Variants in KIAA1671 observed in about 807,000 individuals in gnomAD.
KIAA1671 encodes the protein KIAA1671.
A neutral mutation model predicts 131.2 loss-of-function variants in KIAA1671; 52 were observed. The observed-to-expected ratio is 0.40, with a 90% CI of 0.32 to 0.50. The LOEUF (loss-of-function observed/expected upper bound fraction) is 0.50, where lower values mean the gene tolerates loss of function less well. Among genes scored for constraint, KIAA1671 ranks in the 20% least tolerant of loss-of-function variants. The pLI is 0.73. For missense variants in KIAA1671, 2,360 were observed against 2,364.2 expected (o/e 1.00, Z 0.04); for synonymous variants, 1,003 against 961.6 (o/e 1.04, Z -0.80).
At position 25,040,460 on chromosome 22, in the gene KIAA1671, A is replaced by C; in HGVS notation, c.3330A>C (p.Ser1110=). The change falls in exon 5 of 13, where the codon TCA becomes TCC. Residue 1110 remains serine (S), a synonymous_variant. Transcript: ENST00000358431. ...CTCTGAAGCCAACAGACCGTCCATC[A>C]TCTCTTGGGGCCTGGAGTCTGGACC... ...LKTLKPTDRP[S]SLGAWSLDPF... The C allele has an allele frequency of 6.4e-7, 1 of 1,552,064 alleles. No homozygotes were observed. The highest frequency in any genetic ancestry group is 8.7e-7 in the Non-Finnish European group (1 of 1,147,068).
rs57822676 is a variant in KIAA1671 at position 25,156,012 on chromosome 22, C to CTTT, written c.4531-14783_4531-14781dup. Among the ~76,000 whole-genome samples the CTTT allele has an allele frequency of 9.6e-4, 34 of 35,344 alleles. 9 individuals are homozygous for CTTT. The highest frequency in any genetic ancestry group is 2.9e-3 in the East Asian group (3 of 1,040). The allele number at this position is 35,344 out of a possible 152,430, so 23.2% of individuals were successfully genotyped here. ...TTTTGTGCATGTATGTGTGTATGTGCTTTTTTTTTTTTTTTTTTTTTTTTT... is the reference window on the plus strand; with the variant it reads ...TTTTGTGCATGTATGTGTGTATGTGCTTTTTTTTTTTTTTTTTTTTTTTTTTTT... On this transcript the variant is annotated intron_variant, in intron 6 of 12. Coordinates refer to ENST00000358431, the MANE Select transcript of KIAA1671 (RefSeq NM_001145206.2).
In KIAA1671 at chr22:25,029,515, C is replaced by G. The variant is rs1198611208; in HGVS notation, c.1516C>G (p.Pro506Ala). The change falls in exon 3 of 13, where the codon CCG (proline) becomes GCG (alanine). Residue 506 changes from proline (P) to alanine (A), a missense_variant. By Grantham distance (27) the Pro-to-Ala change is conservative. Coordinates refer to ENST00000358431, the MANE Select transcript of KIAA1671 (RefSeq NM_001145206.2). ...CAGGAGGAGGACGTTCCAGGCTCGG[C>G]CGCTGTCGGCGGATTTGACCAAATT... ...EVRRRTFQAR[P>A]LSADLTKLFS... 7 of 1,546,082 alleles carry G rather than the reference C, an allele frequency of 4.5e-6. No homozygotes were observed. The African/African-American group carries it at 9.6e-5, about 21-fold the overall frequency.
intron 6 of KIAA1671, among the ~76,000 whole-genome samples, chr22:25,124,604 A>G (rs969239813): frequency 6.6e-6 from 1 of 152,226 alleles, no homozygotes; most frequent in African/African-American, 2.4e-5. Flanking sequence ...CAAGCCTCAG[A>G]TGCCTTGTGA....
intron 1 of KIAA1671, among the ~76,000 whole-genome samples, chr22:24,974,685 CTTTTT>C (rs34171375): frequency 1.2e-5 from 1 of 81,258 alleles, no homozygotes; most frequent in African/African-American, 5.4e-5. Flanking sequence ...CAGCTCACCT[CTTTTT>C]TTTTTTTTTT....
chr22:24,989,967 T>C (rs1281173620), intron 1 of KIAA1671, among the ~76,000 whole-genome samples: 1 of 152,196 alleles, frequency 6.6e-6, no homozygotes, highest in South Asian at 2.1e-4. Flanking sequence ...TAGCTCTTTG[T>C]TAAACATTAA....
intron 6 of KIAA1671, chr22:25,049,670 G>C (rs1171271931): frequency 6.8e-6 from 2 of 293,522 alleles, no homozygotes; most frequent in African/African-American, 4.3e-5. Flanking sequence ...ATCCCAGCAC[G>C]GTCTCCTGTC....
chr22:24,975,279 G>A (rs1307456418), intron 1 of KIAA1671, among the ~76,000 whole-genome samples: 1 of 150,360 alleles, frequency 6.7e-6, no homozygotes, highest in Non-Finnish European at 1.5e-5. Flanking sequence ...TGTTTTTGAG[G>A]TCATTCATGT....
At chr22:25,001,509 G>A (rs910467383) in intron 1 of KIAA1671, among the ~76,000 whole-genome samples, 3 of 152,156 alleles carry the variant, frequency 2.0e-5, no homozygotes, top group African/African-American at 4.8e-5. Context: ...ACCAGGCCAA[G>A]GGGGAGGCTG....
In KIAA1671 at chr22:25,028,449, C is replaced by A; in HGVS notation, c.450C>A (p.Thr150=). ...GCACCATGATTCTCTTCGAAACCAC[C>A]AAAAGCGGCCCCGCTCTGGGGAAGG... The part of the protein sequence containing the change: ...SSSTMILFET[T]KSGPALGKAV... The change falls in exon 3 of 13, where the codon ACC becomes ACA. Residue 150 remains threonine, a synonymous_variant. Transcript: ENST00000358431. 6.4e-7 allele frequency: 1 copy of A among 1,550,706 alleles called. No homozygotes were observed. The highest frequency in any genetic ancestry group is 1.4e-5 in the African/African-American group (1 of 73,174).
chr22:25,116,141 C>A (rs71321022), intron 6 of KIAA1671, among the ~76,000 whole-genome samples: 52 of 152,184 alleles, frequency 3.4e-4, no homozygotes, highest in Non-Finnish European at 5.3e-4. Context: ...TGGAGTGGCA[C>A]GATCATAGCT....
At chr22:25,108,867 C>G (rs1931173716) in intron 6 of KIAA1671, among the ~76,000 whole-genome samples, 1 of 152,102 alleles carries the variant, frequency 6.6e-6, no homozygotes, top group South Asian at 2.1e-4. Flanking sequence ...CTGGCCAGGT[C>G]TACGGTCAGC....
intron 6 of KIAA1671, among the ~76,000 whole-genome samples, chr22:25,073,858 T>C (rs6519552): frequency 0.16 from 25,039 of 152,182 alleles, 2,200 homozygotes; most frequent in Non-Finnish European, 0.2. Flanking sequence ...CATGCCTGGC[T>C]AATTTTTGTA....
chr22:24,971,002 G>C (rs1302965828), intron 1 of KIAA1671, among the ~76,000 whole-genome samples: 1 of 152,122 alleles, frequency 6.6e-6, no homozygotes, highest in Middle Eastern at 3.2e-3. Flanking sequence ...TTGTTGCCCA[G>C]GCTGGAGTGC....
intron 6 of KIAA1671, among the ~76,000 whole-genome samples, chr22:25,072,197 C>T (rs1192722298): frequency 1.3e-5 from 2 of 152,124 alleles, no homozygotes; most frequent in Non-Finnish European, 2.9e-5. Flanking sequence ...TCATCCTGGC[C>T]AGTAGAGGCT....
chr22:24,959,930 G>T (rs748437249), intron 1 of KIAA1671, among the ~76,000 whole-genome samples: 3 of 151,828 alleles, frequency 2.0e-5, no homozygotes, highest in Non-Finnish European at 4.4e-5. Flanking sequence ...TTGAGGTCAG[G>T]AGTTCGAAAC....
chr22:25,077,011 A>G (rs1220600908), intron 6 of KIAA1671, among the ~76,000 whole-genome samples: 1 of 152,128 alleles, frequency 6.6e-6, no homozygotes, highest in Non-Finnish European at 1.5e-5. Flanking sequence ...CTCTCCCTCT[A>G]TTATTTTTAC....
chr22:24,978,696 G>A (rs1021358212), intron 1 of KIAA1671, among the ~76,000 whole-genome samples: 1 of 151,688 alleles, frequency 6.6e-6, no homozygotes, highest in Non-Finnish European at 1.5e-5. Flanking sequence ...GTTTTGTTTT[G>A]TTTTGTTTTG....
chr22:25,142,214 C>G (rs1932816769), intron 6 of KIAA1671, among the ~76,000 whole-genome samples: 1 of 152,192 alleles, frequency 6.6e-6, no homozygotes, highest in African/African-American at 2.4e-5. Context: ...CTCTGGTTGC[C>G]TAGCAACAGG....
At chr22:25,094,563 T>A (rs1340856529) in intron 6 of KIAA1671, among the ~76,000 whole-genome samples, 1 of 152,108 alleles carries the variant, frequency 6.6e-6, no homozygotes, top group Non-Finnish European at 1.5e-5. Flanking sequence ...TTCATTTTAG[T>A]GAAGGCTGAT....
Sources: gnomAD v4.1 joint callset for allele counts (sites outside exome capture counted in the v4.1 genomes callset) on GRCh38, gnomAD v4.1.1 for gene constraint, MANE v1.5 for transcripts, NCBI Gene and HGNC (gene_info 2026-07-23, HGNC 2026-07-21) for gene names.